The following PACRG variants were observed in gnomAD, a reference collection of about 807,000 sequenced individuals.
The protein encoded by PACRG is parkin coregulated gene protein.
A neutral mutation model predicts 29.7 loss-of-function variants in PACRG; 29 were observed. That is an observed-to-expected ratio of 0.98 (90% CI 0.73 to 1.33). The LOEUF is 1.33. Among genes scored for constraint, PACRG ranks in the 40% most tolerant of loss-of-function variants. The pLI is 0.00. For synonymous variants in PACRG, 116 were observed against 118.7 expected (o/e 0.98, Z 0.15); for missense variants, 279 against 316.2 (o/e 0.88, Z 0.89).
intron 2 of PACRG, among the ~76,000 whole-genome samples, chr6:162,959,836 T>C (rs4374806): frequency 0.68 from 103,526 of 151,942 alleles, 35,485 homozygotes; most frequent in East Asian, 0.78. Context: ...GAAAAAAGAA[T>C]TCTGTATATA....
chr6:163,249,691 G>A (rs1422677448), intron 4 of PACRG, among the ~76,000 whole-genome samples: 2 of 152,212 alleles, frequency 1.3e-5, no homozygotes, highest in African/African-American at 4.8e-5. Context: ...AGCAACCAGC[G>A]AAGTTTCTGT....
At chr6:163,193,594 A>C (rs1166519706) in intron 4 of PACRG, among the ~76,000 whole-genome samples, 1 of 152,170 alleles carries the variant, frequency 6.6e-6, no homozygotes, top group Admixed American at 6.5e-5. Flanking sequence ...CTGGGAGGGA[A>C]ACACTAAATG....
At chr6:162,848,299 T>C (rs1790577780) in intron 2 of PACRG, among the ~76,000 whole-genome samples, 1 of 152,186 alleles carries the variant, frequency 6.6e-6, no homozygotes, top group African/African-American at 2.4e-5. Context: ...CCGAAATGTG[T>C]CCTTCAGCTT....
intron 2 of PACRG, among the ~76,000 whole-genome samples, chr6:162,995,482 C>T (rs550516041): frequency 1.3e-5 from 2 of 152,164 alleles, no homozygotes; most frequent in Non-Finnish European, 2.9e-5. Context: ...GCGCAGTATT[C>T]GGGTGGGAGT....
At chr6:162,771,595 C>G (rs1783225921) in intron 1 of PACRG, among the ~76,000 whole-genome samples, 1 of 151,440 alleles carries the variant, frequency 6.6e-6, no homozygotes, top group South Asian at 2.1e-4. Context: ...TTTTTTGGTA[C>G]ACGTTTCTCA....
chr6:162,959,064 A>G (rs1800387484), intron 2 of PACRG, among the ~76,000 whole-genome samples: 1 of 147,336 alleles, frequency 6.8e-6, no homozygotes, highest in Non-Finnish European at 1.5e-5. Context: ...CAGGTGCACG[A>G]CACCATGCCT....
chr6:162,734,003 C>G (rs1341380666), intron 1 of PACRG, among the ~76,000 whole-genome samples: 1 of 152,174 alleles, frequency 6.6e-6, no homozygotes, highest in African/African-American at 2.4e-5. Flanking sequence ...TCACCCATTG[C>G]TGCATCCTCA....
At chr6:162,855,759 A>G (rs1261355433) in intron 2 of PACRG, among the ~76,000 whole-genome samples, 1 of 152,164 alleles carries the variant, frequency 6.6e-6, no homozygotes, top group African/African-American at 2.4e-5. Flanking sequence ...TGGGACGTTT[A>G]GTCATGTTTT....
intron 4 of PACRG, among the ~76,000 whole-genome samples, chr6:163,219,470 G>T (rs1781489451): frequency 6.6e-6 from 1 of 152,166 alleles, no homozygotes; most frequent in South Asian, 2.1e-4. Context: ...TATTCTTAAA[G>T]CCTGAAAATC....
intron 1 of PACRG, among the ~76,000 whole-genome samples, chr6:162,779,635 A>C (rs1783935384): frequency 6.6e-6 from 1 of 152,216 alleles, no homozygotes; most frequent in African/African-American, 2.4e-5. Flanking sequence ...TGGAGCTTGG[A>C]GGCCAGGGAA....
At chr6:162,995,664 C>T (rs530873675) in intron 2 of PACRG, among the ~76,000 whole-genome samples, 14 of 152,220 alleles carry the variant, frequency 9.2e-5, no homozygotes, top group East Asian at 1.9e-4. Context: ...GAGATGAACC[C>T]GGTACCTCCG....
At chr6:163,013,862 G>T (rs576599729) in intron 2 of PACRG, among the ~76,000 whole-genome samples, 1 of 144,836 alleles carries the variant, frequency 6.9e-6, no homozygotes, top group East Asian at 2.0e-4. Context: ...AGTTTTTGAG[G>T]TTTTTTTTTT....
chr6:163,101,472 G>A, intron 4 of PACRG: 1 of 888,704 alleles, frequency 1.1e-6, no homozygotes, highest in Non-Finnish European at 1.3e-6. Context: ...CTAACCAAAT[G>A]TCTTAGATGT....
intron 4 of PACRG, among the ~76,000 whole-genome samples, chr6:163,152,359 G>A (rs1369017575): frequency 1.3e-5 from 2 of 152,008 alleles, no homozygotes; most frequent in Non-Finnish European, 2.9e-5. Context: ...TTACATCTGG[G>A]GTCTTTGAAG....
In PACRG at chr6:163,094,464, C is replaced by T. The variant is rs569338901; in HGVS notation, c.613+5056C>T. ...TATATCTAGTCTCTCTGAGCACTTC[C>T]TCCATGCACACTTAACTCATTTGTC... On this transcript the variant is annotated intron_variant, in intron 4 of 4. Transcript: ENST00000366888. 3.3e-5 allele frequency among the ~76,000 whole-genome samples: 5 copies of T among 152,266 alleles called. No homozygotes were observed. In the South Asian group the frequency reaches 1.0e-3, roughly 32 times the overall value.
intron 2 of PACRG, among the ~76,000 whole-genome samples, chr6:162,939,212 T>C (rs1798444239): frequency 6.6e-6 from 1 of 152,156 alleles, no homozygotes; most frequent in Non-Finnish European, 1.5e-5. Context: ...TGTAGTAGAA[T>C]GAAACTGGAT....
chr6:163,046,018 A>G (rs1483312675), intron 2 of PACRG, among the ~76,000 whole-genome samples: 3 of 151,778 alleles, frequency 2.0e-5, no homozygotes, highest in African/African-American at 7.3e-5. Flanking sequence ...AATCATCTCT[A>G]TTTCCCTTGA....
chr6:162,934,375 A>G (rs1798090142), intron 2 of PACRG, among the ~76,000 whole-genome samples: 1 of 152,220 alleles, frequency 6.6e-6, no homozygotes, highest in Non-Finnish European at 1.5e-5. Context: ...AACACCTTCC[A>G]TTAGGCCCCA....
chr6:162,800,860 A>T (rs1205113229), intron 1 of PACRG, among the ~76,000 whole-genome samples: 1 of 152,106 alleles, frequency 6.6e-6, no homozygotes, highest in Non-Finnish European at 1.5e-5. Flanking sequence ...TAGGATGCTC[A>T]CTCAACATGT....
Sources: gnomAD v4.1 joint callset for allele counts (sites outside exome capture counted in the v4.1 genomes callset) on GRCh38, gnomAD v4.1.1 for gene constraint, MANE v1.5 for transcripts, NCBI Gene and HGNC (gene_info 2026-07-23, HGNC 2026-07-21) for gene names.